ATAD1: variants seen among roughly 807,000 people sequenced by gnomAD.
ATAD1 encodes the protein ATPase family AAA domain containing 1.
A neutral mutation model predicts 42.7 loss-of-function variants in ATAD1; 18 were observed. The observed-to-expected ratio is 0.42, with a 90% confidence interval of 0.29 to 0.63. ATAD1 has a LOEUF of 0.63. Among genes scored for constraint, ATAD1 ranks in the 20% least tolerant of loss-of-function variants. ATAD1 has a pLI of 0.19. For synonymous variants in ATAD1, 132 were observed against 143.1 expected (o/e 0.92, Z 0.55); for missense variants, 294 against 440.4 (o/e 0.67, Z 2.98).
chr10:87,820,761 C>T (rs1006692624), upstream of ATAD1, among the ~76,000 whole-genome samples: 28 of 152,256 alleles, frequency 1.8e-4, no homozygotes, highest in African/African-American at 6.0e-4. Context: ...TTAGCAAATC[C>T]GTAAGAAACC....
At chr10:87,778,911 TA>T (rs1221551693) in intron 5 of ATAD1, among the ~76,000 whole-genome samples, 1 of 152,118 alleles carries the variant, frequency 6.6e-6, no homozygotes, top group Non-Finnish European at 1.5e-5. Flanking sequence ...CACAAAACTA[TA>T]AAACTTCTAG....
intron 1 of ATAD1, 154 bp downstream of exon 1, chr10:87,818,013 C>A: frequency 1.0e-6 from 1 of 985,756 alleles, no homozygotes; most frequent in South Asian, 4.7e-5. Flanking sequence ...ATACTAAGGG[C>A]TGCGGGGCGC....
chr10:87,815,167 T>C (rs1317086598), intron 1 of ATAD1, among the ~76,000 whole-genome samples: 1 of 152,094 alleles, frequency 6.6e-6, no homozygotes, highest in Non-Finnish European at 1.5e-5. Context: ...ATTAACTTTT[T>C]TGAGCCACAC....
intron 1 of ATAD1, among the ~76,000 whole-genome samples, chr10:87,815,383 A>G (rs1369187687): frequency 6.6e-6 from 1 of 152,128 alleles, no homozygotes; most frequent in African/African-American, 2.4e-5. Flanking sequence ...GTCAATGGCA[A>G]TAACTACCCG....
rs1856186258 is a variant in ATAD1 at position 87,792,689 on chromosome 10, C to G, written c.229G>C (p.Ala77Pro). The G allele has an allele frequency of 1.2e-6, 2 of 1,613,252 alleles. No individual in the cohort carries two copies. Among genetic ancestry groups the G allele is most frequent in the Non-Finnish European group, 1.7e-6 (2 of 1,179,762 alleles). Residue 77 changes from alanine (A) to proline (P), a missense_variant, in exon 3 of 10, where the codon GCT becomes CCT. Physicochemically the swap from Ala to Pro is conservative, Grantham distance 27 (BLOSUM62 -1). This residue lies in a region of ATAD1 where 121 missense variants were observed against 187.3 expected (regional missense o/e 0.65). Transcript: ENST00000680024. ...VKLSEYEMSI[A>P]AHLVDPLNMH... ...TTAAGAGGGTCTACAAGATGAGCAGCAATACTCATTTCATATTCTGAGAGC... is the reference window on the plus strand; with the variant it reads ...TTAAGAGGGTCTACAAGATGAGCAGGAATACTCATTTCATATTCTGAGAGC...
chr10:87,783,938 C>A (rs1855694983), intron 5 of ATAD1, among the ~76,000 whole-genome samples: 2 of 150,768 alleles, frequency 1.3e-5, no homozygotes, highest in Admixed American at 6.6e-5. Context: ...AAAAAACTAT[C>A]AGAAAAAAGA....
At position 87,790,294 on chromosome 10, in the gene ATAD1, T is replaced by C; in HGVS notation, c.382+16A>G. 6.2e-7 allele frequency: 1 copy of C among 1,604,910 alleles called. No individual in the cohort carries two copies. Among genetic ancestry groups the C allele is most frequent in the Non-Finnish European group, 8.5e-7 (1 of 1,178,036 alleles). On this transcript the variant is annotated intron_variant, in intron 4 of 9. Coordinates refer to ENST00000680024, the MANE Select transcript of ATAD1 (RefSeq NM_001321967.2). ...AGGATTTTAATGCTTTAGGCGAATA[T>C]ATACCTTTACCATACCTTTTGGAGG...
chr10:87,801,082 T>C (rs189394806), intron 2 of ATAD1, among the ~76,000 whole-genome samples: 7 of 152,358 alleles, frequency 4.6e-5, no homozygotes, highest in Admixed American at 3.9e-4. Flanking sequence ...TTATATCTTA[T>C]GGTCAAGATT....
rs1477606573 is a variant in ATAD1, at chr10:87,759,384, T to A, written c.832-2462A>T. Among the ~76,000 whole-genome samples the A allele has an allele frequency of 2.6e-5, 4 of 152,194 alleles. No individual in the cohort carries two copies. In the South Asian group the frequency reaches 8.3e-4, roughly 31 times the overall value. On this transcript the variant is annotated intron_variant, in intron 8 of 9. Transcript: ENST00000680024. ...AAAAAATGAAGCAAATGTGGAAATA[T>A]ATTAAAATTGCCTGTTAAATATGGG...
At chr10:87,767,764 A>AT (rs771527694) in intron 7 of ATAD1, 41 bp from the exon 8 acceptor site, 50 of 1,557,796 alleles carry the variant, frequency 3.2e-5, no homozygotes, top group Non-Finnish European at 3.8e-5. Flanking sequence ...TTTATTTTTT[A>AT]TTTTTTTAAA....
intron 5 of ATAD1, among the ~76,000 whole-genome samples, chr10:87,781,355 A>G (rs1855550634): frequency 1.3e-5 from 2 of 152,306 alleles, no homozygotes; most frequent in South Asian, 4.1e-4. Flanking sequence ...CAGAACTTCT[A>G]AAGTTCAAAT....
chr10:87,815,194 C>T (rs1462584480), intron 1 of ATAD1, among the ~76,000 whole-genome samples: 2 of 151,912 alleles, frequency 1.3e-5, no homozygotes, highest in Admixed American at 6.6e-5. Context: ...TCCCAACAAC[C>T]GGGCTAAGTA....
intron 7 of ATAD1, among the ~76,000 whole-genome samples, chr10:87,770,460 C>T (rs1407814855): frequency 6.6e-6 from 1 of 152,086 alleles, no homozygotes; most frequent in Non-Finnish European, 1.5e-5. Context: ...ACCATCTAAG[C>T]GTTTGCATTC....
chr10:87,759,456 C>T (rs964430948), intron 8 of ATAD1, among the ~76,000 whole-genome samples: 1 of 152,152 alleles, frequency 6.6e-6, no homozygotes, highest in African/African-American at 2.4e-5. Context: ...ATATTTCATA[C>T]ATTTAACAAA....
In ATAD1 at chr10:87,769,819, G is replaced by A. The variant is rs535561220; in HGVS notation, c.780+1133C>T. Among the ~76,000 whole-genome samples the A allele has an allele frequency of 7.9e-5, 12 of 152,040 alleles. No individual in the cohort carries two copies. In the South Asian group the frequency reaches 1.7e-3, roughly 21 times the overall value. Reference sequence around the variant, plus strand: ...AAATTAGCAGGGCATGGTGGTGGGCGCCTGTAATCCCAACTTATTGGGAGG... The same window carrying A: ...AAATTAGCAGGGCATGGTGGTGGGCACCTGTAATCCCAACTTATTGGGAGG... On this transcript the variant is annotated intron_variant, in intron 7 of 9. Coordinates refer to ENST00000680024, the MANE Select transcript of ATAD1 (RefSeq NM_001321967.2).
intron 5 of ATAD1, among the ~76,000 whole-genome samples, chr10:87,782,502 A>T (rs1217371829): frequency 6.6e-6 from 1 of 152,228 alleles, no homozygotes; most frequent in Non-Finnish European, 1.5e-5. Context: ...TAACAATAAC[A>T]TGTAAGAGAT....
intron 4 of ATAD1, among the ~76,000 whole-genome samples, chr10:87,789,849 A>G (rs1192680050): frequency 6.6e-6 from 1 of 152,214 alleles, no homozygotes; most frequent in African/African-American, 2.4e-5. Flanking sequence ...ATTTTGAATA[A>G]GCAAACATCT....
intron 5 of ATAD1, among the ~76,000 whole-genome samples, chr10:87,784,152 G>C (rs1453957965): frequency 6.6e-6 from 1 of 152,140 alleles, no homozygotes; most frequent in East Asian, 1.9e-4. Context: ...GTTGAAGATA[G>C]ATATATCACA....
Position 87,792,702 on chromosome 10 carries a change from A to G in ATAD1, c.216T>C (p.Tyr72=), listed in dbSNP as rs749081136. Reference sequence around the variant, plus strand: ...CAAGATGAGCAGCAATACTCATTTCATATTCTGAGAGCTTCACATTTTTCA... The same window carrying G: ...CAAGATGAGCAGCAATACTCATTTCGTATTCTGAGAGCTTCACATTTTTCA... The part of the protein sequence containing the change: ...IGVKNVKLSE[Y]EMSIAAHLVD... Residue 72 remains tyrosine, a synonymous_variant, in exon 3 of 10, where the codon TAT becomes TAC. Transcript: ENST00000680024. 8.1e-6 allele frequency: 13 copies of G among 1,613,902 alleles called. 1 individual carries two copies. The South Asian group carries it at 1.3e-4, about 16-fold the overall frequency.
Sources: gnomAD v4.1 joint callset for allele counts (sites outside exome capture counted in the v4.1 genomes callset) on GRCh38, gnomAD v4.1.1 for gene constraint, gnomAD v4.1.1 regional missense constraint, MANE v1.5 for transcripts, NCBI Gene and HGNC (gene_info 2026-07-23, HGNC 2026-07-21) for gene names.